FIGNL2: variants seen among roughly 807,000 people sequenced by gnomAD.
FIGNL2 encodes the protein fidgetin like 2, also known as fidgetin-like protein 2.
For missense variants in FIGNL2, 1,060 were observed against 950.2 expected (o/e 1.12, Z -1.52); for synonymous variants, 565 against 484.0 (o/e 1.17, Z -2.20).
chr12:51,821,865 G>C lies in FIGNL2; in HGVS notation c.549C>G (p.Pro183=), dbSNP rs1939212585. 5 of 1,298,060 alleles carry C rather than the reference G, an allele frequency of 3.9e-6. No individual in the cohort carries two copies. Among genetic ancestry groups the C allele is most frequent in the Non-Finnish European group, 4.9e-6 (5 of 1,026,276 alleles). 80.4% of individuals were successfully genotyped at this position (1,298,060 alleles called of 1,614,324 possible). ...AQTGAALPPP[P]PAALLQPPPP... is the part of the protein sequence containing the mutation. ...GTGGGGGCTGCAGGAGCGCGGCCGG[G>C]GGCGGCGGGGGCAGCGCGGCGCCCG... Residue 183 remains proline (P), a synonymous_variant, in exon 2 of 2, where the codon CCC becomes CCG. Transcript: ENST00000618634.
chr12:51,834,549 C>G (rs949956084), intron 1 of FIGNL2, among the ~76,000 whole-genome samples: 3 of 152,236 alleles, frequency 2.0e-5, no homozygotes, highest in Admixed American at 6.5e-5. Context: ...CAGTCTGGCT[C>G]CTCTCTGGGG....
chr12:51,822,554 G>A, intron 1 of FIGNL2, 130 bp from the exon 2 acceptor site: 2 of 982,476 alleles, frequency 2.0e-6, no homozygotes, highest in Non-Finnish European at 3.1e-6. Context: ...ACCACCTACC[G>A]CCCCACTCTC....
At position 51,821,501 on chromosome 12, in the gene FIGNL2, G is replaced by A. The variant is rs1265061546; in HGVS notation, c.913C>T (p.Arg305Trp). 1.9e-6 allele frequency: 3 copies of A among 1,559,008 alleles called. No individual in the cohort carries two copies. The highest frequency in any genetic ancestry group is 1.8e-5 in the Admixed American group (1 of 56,304). Reference sequence around the variant, plus strand: ...GGCTTGGCCCGGAACCCGTTGCCCCGACATTCGCCGTTGTCCGCGGCGGGG... The same window carrying A: ...GGCTTGGCCCGGAACCCGTTGCCCCAACATTCGCCGTTGTCCGCGGCGGGG... ...SYPAADNGEC[R>W]GNGFRAKPPG... The change falls in exon 2 of 2, where the codon CGG becomes TGG. Residue 305 changes from arginine (R) to tryptophan (W), a missense_variant. Transcript: ENST00000618634.
intron 1 of FIGNL2, among the ~76,000 whole-genome samples, chr12:51,827,726 A>T (rs553800051): frequency 1.3e-5 from 2 of 152,198 alleles, no homozygotes; most frequent in Non-Finnish European, 2.9e-5. Flanking sequence ...ATGTTCTGTG[A>T]AAAGAGGTTC....
intron 1 of FIGNL2, 97 bp from the exon 2 acceptor site, chr12:51,822,521 G>T: frequency 4.9e-6 from 7 of 1,437,648 alleles, no homozygotes; most frequent in Non-Finnish European, 5.7e-6. Context: ...CTGCGGCTTG[G>T]ACAGGCTGGG....
intron 1 of FIGNL2, chr12:51,847,871 C>G: frequency 5.1e-6 from 5 of 974,898 alleles, no homozygotes; most frequent in Non-Finnish European, 6.1e-6. Context: ...CGGGGGTCCC[C>G]CTTGTTGCCT....
At chr12:51,843,631 T>C (rs1939697782) in intron 1 of FIGNL2, among the ~76,000 whole-genome samples, 1 of 151,836 alleles carries the variant, frequency 6.6e-6, no homozygotes, top group Non-Finnish European at 1.5e-5. Flanking sequence ...CTGGGGACCA[T>C]GTGGCCTGAG....
intron 1 of FIGNL2, among the ~76,000 whole-genome samples, chr12:51,840,009 A>G (rs1939634683): frequency 6.6e-6 from 1 of 152,202 alleles, no homozygotes; most frequent in African/African-American, 2.4e-5. Context: ...TAAAAAGATG[A>G]CTTGCTTTTT....
chr12:51,840,353 G>T (rs1415563413), intron 1 of FIGNL2, among the ~76,000 whole-genome samples: 1 of 152,208 alleles, frequency 6.6e-6, no homozygotes, highest in East Asian at 1.9e-4. Context: ...TCAGCCTTAG[G>T]CCCCTTTCGC....
At position 51,822,306 on chromosome 12, in the gene FIGNL2, A is replaced by G; in HGVS notation, c.108T>C (p.Pro36=). 2 of 1,611,906 alleles carry G rather than the reference A, an allele frequency of 1.2e-6. No homozygotes were observed. The highest frequency in any genetic ancestry group is 1.7e-6 in the Non-Finnish European group (2 of 1,179,172). Residue 36 remains proline, a synonymous_variant, in exon 2 of 2, where the codon CCT becomes CCC. Coordinates refer to ENST00000618634, the MANE Select transcript of FIGNL2 (RefSeq NM_001384995.1). ...CGTAGTGGCAGCGTTGGCGACCCCC[A>G]GGGGGCAACTCCAACTTGTGGGCCG... ...PSPAHKLELP[P]GGRQRCHYAW...
chr12:51,822,459 A>G, intron 1 of FIGNL2, 35 bp from the exon 2 acceptor site: 2 of 1,607,792 alleles, frequency 1.2e-6, no homozygotes, highest in Non-Finnish European at 1.7e-6. Context: ...GGTGAGGTCT[A>G]GCCACCGAGG....
At chr12:51,844,771 A>G in intron 1 of FIGNL2, 1 of 985,358 alleles carries the variant, frequency 1.0e-6, no homozygotes, top group African/African-American at 1.7e-5. Flanking sequence ...CAAGCCACAT[A>G]GTCAGAGATG....
chr12:51,825,707 C>G (rs908396052), intron 1 of FIGNL2: 1 of 151,608 alleles, frequency 6.6e-6, no homozygotes, highest in African/African-American at 2.4e-5. Flanking sequence ...AGCTCCGCCT[C>G]CCGGGTTCAC....
Position 51,830,700 on chromosome 12 carries a change from C to T in FIGNL2, c.-11-8276G>A, listed in dbSNP as rs560113734. Among the ~76,000 whole-genome samples, 149 of 152,026 alleles carry T rather than the reference C, an allele frequency of 9.8e-4. No individual in the cohort carries two copies. In the South Asian group the frequency reaches 0.017, roughly 17 times the overall value. On this transcript the variant is annotated intron_variant, in intron 1 of 1. Coordinates refer to ENST00000618634, the MANE Select transcript of FIGNL2 (RefSeq NM_001384995.1). ...TAGAGATGGGGTTTCACCATGTTGG[C>T]CAGGCTGGTCTCAAACTCCTGACCT...
rs369433521 is a variant in FIGNL2 at position 51,842,762 on chromosome 12, G to A, written c.-12+5778C>T. On this transcript the variant is annotated intron_variant, in intron 1 of 1. Coordinates refer to ENST00000618634, the MANE Select transcript of FIGNL2 (RefSeq NM_001384995.1). ...CCTCTGAAACCTGTCCTGTACCCTC[G>A]CCATAGCCCAGAGGCTGCCATTCCC... Among the ~76,000 whole-genome samples, 99 of 152,218 alleles carry A rather than the reference G, an allele frequency of 6.5e-4. No homozygotes were observed. The South Asian group carries it at 0.02, about 30-fold the overall frequency.
chr12:51,836,331 C>A (rs1486147493), intron 1 of FIGNL2, among the ~76,000 whole-genome samples: 1 of 152,168 alleles, frequency 6.6e-6, no homozygotes, highest in African/African-American at 2.4e-5. Flanking sequence ...TGCCCTCCCC[C>A]ATCAGCTGCT....
At chr12:51,824,428 G>C (rs1466125417) in intron 1 of FIGNL2, 2 of 152,166 alleles carry the variant, frequency 1.3e-5, no homozygotes, top group African/African-American at 4.8e-5. Context: ...AGTGGGAGAA[G>C]ACATTTGAAA....
intron 1 of FIGNL2, among the ~76,000 whole-genome samples, chr12:51,837,277 G>A (rs895380132): frequency 1.3e-5 from 2 of 152,142 alleles, no homozygotes; most frequent in Admixed American, 1.3e-4. Context: ...GAGGTTGGGG[G>A]TGGCTCCTGG....
rs907023779 is a variant in FIGNL2, at chr12:51,848,494, C to T, written c.-12+46G>A. 8 of 982,850 alleles carry T rather than the reference C, an allele frequency of 8.1e-6. No homozygotes were observed. The East Asian group carries it at 6.9e-4, about 84-fold the overall frequency. 60.9% of individuals were successfully genotyped at this position (982,850 alleles called of 1,614,324 possible). A position where few individuals can be genotyped will look rare whatever the true frequency, so the allele number is the denominator to read the frequency against. Reference sequence around the variant, plus strand: ...CAAAGCTCCGGACACCCTGACCGAACGGTCACCTCCCCCCGCCCCATCCCG... The same window carrying T: ...CAAAGCTCCGGACACCCTGACCGAATGGTCACCTCCCCCCGCCCCATCCCG... On this transcript the variant is annotated intron_variant, in intron 1 of 1. Coordinates refer to ENST00000618634, the MANE Select transcript of FIGNL2 (RefSeq NM_001384995.1).
Sources: allele counts gnomAD v4.1 joint callset (sites outside exome capture counted in the v4.1 genomes callset), GRCh38; gene constraint gnomAD v4.1.1; transcripts MANE v1.5; gene names NCBI Gene and HGNC (gene_info 2026-07-23, HGNC 2026-07-21).